Variants in SLA observed in about 807,000 individuals in gnomAD.
SLA encodes Src like adaptor.
Under a neutral mutation model 30.3 loss-of-function variants are expected in SLA, and 16 were observed. The ratio of observed to expected loss-of-function variants is 0.53; its 90% CI spans 0.36 to 0.80. The LOEUF (loss-of-function observed/expected upper bound fraction) is 0.80, where lower values mean the gene tolerates loss of function less well. Ranked by LOEUF, SLA falls within the 30% of genes least tolerant of loss-of-function variation. SLA has a pLI of 0.01. For missense variants in SLA, 310 were observed against 345.2 expected (o/e 0.90, Z 0.81); for synonymous variants, 143 against 137.8 (o/e 1.04, Z -0.26).
chr8:133,093,679 A>G (rs1847943898), intron 1 of SLA, among the ~76,000 whole-genome samples: 1 of 152,138 alleles, frequency 6.6e-6, no homozygotes, highest in Non-Finnish European at 1.5e-5. Context: ...CTCTGACCCT[A>G]GCCACATGTC....
intron 1 of SLA, among the ~76,000 whole-genome samples, chr8:133,101,136 T>C (rs1294742391): frequency 1.3e-5 from 2 of 152,000 alleles, no homozygotes. Flanking sequence ...TGATAAACAC[T>C]AGGTCAGGGA....
At chr8:133,039,037 C>A (rs1005655623) in intron 8 of SLA, among the ~76,000 whole-genome samples, 8 of 152,138 alleles carry the variant, frequency 5.3e-5, no homozygotes, top group African/African-American at 1.9e-4. Flanking sequence ...ACCACCACGC[C>A]CAGCTAATTT....
At chr8:133,090,374 CT>C (rs1443486252) in intron 1 of SLA, among the ~76,000 whole-genome samples, 1 of 152,168 alleles carries the variant, frequency 6.6e-6, no homozygotes, top group Non-Finnish European at 1.5e-5. Context: ...AGACATAGTC[CT>C]TCCTACCTGA....
At chr8:133,051,613 G>A (rs1431235506) in intron 3 of SLA, among the ~76,000 whole-genome samples, 4 of 152,202 alleles carry the variant, frequency 2.6e-5, no homozygotes, top group Non-Finnish European at 5.9e-5. Context: ...GTATTGAAAG[G>A]AATTCTGGTG....
At chr8:133,042,975 T>C (rs1838597215) in intron 7 of SLA, among the ~76,000 whole-genome samples, 2 of 145,400 alleles carry the variant, frequency 1.4e-5, no homozygotes, top group African/African-American at 4.9e-5. Context: ...ATTACAGGCA[T>C]GACCCACCAT....
At chr8:133,091,696 G>T (rs1315416423) in intron 1 of SLA, among the ~76,000 whole-genome samples, 4 of 151,914 alleles carry the variant, frequency 2.6e-5, no homozygotes, top group Non-Finnish European at 5.9e-5. Context: ...GTGTGTGTTT[G>T]TGTGTCCTTC....
intron 3 of SLA, among the ~76,000 whole-genome samples, chr8:133,054,124 T>C (rs972569326): frequency 6.6e-6 from 1 of 152,118 alleles, no homozygotes; most frequent in Non-Finnish European, 1.5e-5. Context: ...ATGTAGGAAA[T>C]TTAAGTTTGT....
chr8:133,072,360 A>G (rs1437237009), intron 2 of SLA, among the ~76,000 whole-genome samples: 1 of 152,198 alleles, frequency 6.6e-6, no homozygotes, highest in East Asian at 1.9e-4. Context: ...CGGAACTTGT[A>G]GGGAGATTGA....
At chr8:133,087,824 C>T (rs1267256164) in intron 1 of SLA, 2 of 152,188 alleles carry the variant, frequency 1.3e-5, no homozygotes, top group African/African-American at 4.8e-5. Flanking sequence ...CTGTGAATGT[C>T]ACGTGACCTC....
chr8:133,041,474 A>T (rs569733149), intron 7 of SLA, among the ~76,000 whole-genome samples: 1 of 152,190 alleles, frequency 6.6e-6, no homozygotes, highest in Non-Finnish European at 1.5e-5. Context: ...CCATGAATTT[A>T]GAGGGAGATT....
chr8:133,047,866 C>T lies in SLA; in HGVS notation c.316G>A (p.Gly106Ser), dbSNP rs1839742641. 8 of 1,612,026 alleles carry T rather than the reference C, an allele frequency of 5.0e-6. No homozygotes were observed. Among genetic ancestry groups the T allele is most frequent in the African/African-American group, 2.7e-5 (2 of 74,978 alleles). Residue 106 changes from glycine to serine, a missense_variant, in exon 6 of 9, where the codon GGC becomes AGC. Gly to Ser is a moderately conservative substitution (Grantham distance 56). Transcript: ENST00000338087. The stretch of plus-strand genomic sequence containing the variant: ...TCACTCTCTCTGATCATGAAGGAGC[C>T]GACCTTTGTGTCTGGCAGCTGCAGC... ...ELLQLPDTKV[G>S]SFMIRESETK...
At chr8:133,084,399 T>G (rs924402473) in intron 1 of SLA, among the ~76,000 whole-genome samples, 25 of 152,210 alleles carry the variant, frequency 1.6e-4, no homozygotes, top group African/African-American at 5.8e-4. Flanking sequence ...TATGAAGTAC[T>G]CATTGACAAT....
intron 3 of SLA, among the ~76,000 whole-genome samples, chr8:133,058,674 G>A (rs371076093): frequency 2.6e-5 from 4 of 152,158 alleles, no homozygotes; most frequent in South Asian, 2.1e-4. Flanking sequence ...AAAGAGCCCG[G>A]CATTCTCCTG....
rs184047948 is a variant in SLA at position 133,045,614 on chromosome 8, C to T, written c.353-499G>A. On this transcript the variant is annotated intron_variant, in intron 6 of 8. Coordinates refer to ENST00000338087, the MANE Select transcript of SLA (RefSeq NM_001045556.3). ...GTTGCTACATTGCCCAGGCTGATCTCGAACTCCTGGACTCAAGTGATCCGC... is the reference window on the plus strand; with the variant it reads ...GTTGCTACATTGCCCAGGCTGATCTTGAACTCCTGGACTCAAGTGATCCGC... Among the ~76,000 whole-genome samples the T allele has an allele frequency of 4.2e-3, 636 of 152,122 alleles. 2 individuals are homozygous for T. Among genetic ancestry groups the T allele is most frequent in the African/African-American group, 0.014 (597 of 41,486 alleles).
At chr8:133,081,872 T>A (rs929588516) in intron 1 of SLA, among the ~76,000 whole-genome samples, 4 of 152,208 alleles carry the variant, frequency 2.6e-5, no homozygotes, top group African/African-American at 9.7e-5. Flanking sequence ...TAAGCCTTCC[T>A]GCCTCTGACG....
At chr8:133,095,616 G>A (rs966640279) in intron 1 of SLA, among the ~76,000 whole-genome samples, 5 of 152,216 alleles carry the variant, frequency 3.3e-5, no homozygotes, top group African/African-American at 1.2e-4. Context: ...AGATGGCAGT[G>A]TATTTGAGTC....
In SLA at chr8:133,047,816, TG is replaced by T; in HGVS notation, c.352+13del. The T allele has an allele frequency of 1.4e-6, 2 of 1,395,424 alleles. No homozygotes were observed. The highest frequency in any genetic ancestry group is 2.0e-6 in the Non-Finnish European group (2 of 979,944). 86.4% of individuals were successfully genotyped at this position (1,395,424 alleles called of 1,614,324 possible). A position where few individuals can be genotyped will look rare whatever the true frequency, so the allele number is the denominator to read the frequency against. ...CTGCCCCGGATGGGGAAAGATGAGTTGGGGGCCACTCACCTTTCTTGGTCTC... is the reference window on the plus strand; with the variant it reads ...CTGCCCCGGATGGGGAAAGATGAGTTGGGGCCACTCACCTTTCTTGGTCTC... On this transcript the variant is annotated intron_variant, in intron 6 of 8. Transcript: ENST00000338087.
chr8:133,051,296 GGAGAT>G (rs1196512558), intron 3 of SLA, among the ~76,000 whole-genome samples: 2 of 152,130 alleles, frequency 1.3e-5, no homozygotes, highest in African/African-American at 4.8e-5. Flanking sequence ...CCTTAGGAGA[GGAGAT>G]GAGAGTATGT....
At chr8:133,055,574 G>A (rs1841293062) in intron 3 of SLA, among the ~76,000 whole-genome samples, 2 of 152,116 alleles carry the variant, frequency 1.3e-5, no homozygotes, top group South Asian at 4.1e-4. Flanking sequence ...TTCTGCCCAA[G>A]CCTTGGTTTT....
Sources: allele counts gnomAD v4.1 joint callset (sites outside exome capture counted in the v4.1 genomes callset), GRCh38; gene constraint gnomAD v4.1.1; transcripts MANE v1.5; gene names NCBI Gene and HGNC (gene_info 2026-07-23, HGNC 2026-07-21).